ERC1: variants seen among roughly 807,000 people sequenced by gnomAD.
The protein encoded by ERC1 is ELKS/RAB6-interacting/CAST family member 1, also known as RAB6 interacting protein 2.
ERC1 carries 56 observed loss-of-function variants against 132.0 expected under a neutral mutation model. That is an observed-to-expected ratio of 0.42 (90% CI 0.34 to 0.53). The LOEUF is 0.53. ERC1 is among the 20% of genes least tolerant of loss of function. The pLI is 0.03. For synonymous variants in ERC1, 478 were observed against 476.1 expected (o/e 1.00, Z -0.05); for missense variants, 1,202 against 1,349.9 (o/e 0.89, Z 1.72).
intron 7 of ERC1, among the ~76,000 whole-genome samples, chr12:1,133,902 G>C (rs1240137636): frequency 6.6e-6 from 1 of 152,054 alleles, no homozygotes; most frequent in Non-Finnish European, 1.5e-5. Flanking sequence ...AGATCATACC[G>C]TAATCTGTGT....
At chr12:1,300,063 C>G (rs1372354056) in intron 15 of ERC1, among the ~76,000 whole-genome samples, 1 of 152,158 alleles carries the variant, frequency 6.6e-6, no homozygotes, top group Non-Finnish European at 1.5e-5. Context: ...CAACTTCAAA[C>G]TATACTACAG....
intron 18 of ERC1, among the ~76,000 whole-genome samples, chr12:1,446,230 C>T (rs1475310914): frequency 6.7e-6 from 1 of 150,374 alleles, no homozygotes; most frequent in Admixed American, 6.6e-5. Flanking sequence ...AGCCTGGAGA[C>T]AAAAAATCAG....
At chr12:1,400,914 G>GTTTTTTTTT (rs1566774897) in intron 16 of ERC1, among the ~76,000 whole-genome samples, 6 of 11,120 alleles carry the variant, frequency 5.4e-4, no homozygotes, top group South Asian at 3.6e-3. Flanking sequence ...GGCTATTTTT[G>GTTTTTTTTT]TATTTTTTTT....
At chr12:1,419,900 C>A (rs894752661) in intron 17 of ERC1, among the ~76,000 whole-genome samples, 12 of 150,222 alleles carry the variant, frequency 8.0e-5, no homozygotes, top group African/African-American at 2.9e-4. Context: ...AAAACATGCA[C>A]TGAATATTAT....
chr12:1,165,388 T>C (rs1165192560), intron 8 of ERC1, among the ~76,000 whole-genome samples: 1 of 151,676 alleles, frequency 6.6e-6, no homozygotes, highest in Non-Finnish European at 1.5e-5. Flanking sequence ...TCACTGCAAG[T>C]TCCGCCTCCC....
intron 15 of ERC1, among the ~76,000 whole-genome samples, chr12:1,367,778 G>C (rs2086801213): frequency 6.6e-6 from 1 of 152,020 alleles, no homozygotes; most frequent in Non-Finnish European, 1.5e-5. Context: ...AGGTCAAAGG[G>C]CAGGTTCAAC....
intron 17 of ERC1, chr12:1,443,216 T>TG (rs2093209629): frequency 6.6e-6 from 1 of 152,206 alleles, no homozygotes; most frequent in Non-Finnish European, 1.5e-5. Flanking sequence ...TACTTCTTGA[T>TG]GGAAGTGTAT....
At chr12:1,106,778 T>C (rs1238963111) in intron 4 of ERC1, among the ~76,000 whole-genome samples, 2 of 152,206 alleles carry the variant, frequency 1.3e-5, no homozygotes, top group Admixed American at 6.5e-5. Flanking sequence ...CAAAATGATT[T>C]GTTTAACTGC....
chr12:1,208,357 T>G (rs1344962561), intron 12 of ERC1, among the ~76,000 whole-genome samples: 1 of 151,368 alleles, frequency 6.6e-6, no homozygotes, highest in African/African-American at 2.4e-5. Context: ...CTTTTTTTCA[T>G]GTTTTTAAGC....
At chr12:1,080,461 T>C (rs1230886654) in intron 2 of ERC1, among the ~76,000 whole-genome samples, 1 of 152,224 alleles carries the variant, frequency 6.6e-6, no homozygotes, top group East Asian at 1.9e-4. Context: ...AGAATTTCTT[T>C]CCTTTTTAAG....
intron 1 of ERC1, among the ~76,000 whole-genome samples, chr12:1,024,456 T>A (rs1399869249): frequency 6.6e-6 from 1 of 152,184 alleles, no homozygotes; most frequent in African/African-American, 2.4e-5. Flanking sequence ...TGCCTGTTAT[T>A]TCAAACCACC....
chr12:1,354,503 A>G lies in ERC1; in HGVS notation c.2781-17330A>G, dbSNP rs1023921076. 2.7e-5 allele frequency among the ~76,000 whole-genome samples: 4 copies of G among 149,852 alleles called. No individual in the cohort carries two copies. In the South Asian group the frequency reaches 8.6e-4, roughly 32 times the overall value. On this transcript the variant is annotated intron_variant, in intron 15 of 18. Coordinates refer to ENST00000360905, the MANE Select transcript of ERC1 (RefSeq NM_178040.4). The stretch of plus-strand genomic sequence containing the variant: ...GCCCCGTTGCATTCCAGCCTGGGCG[A>G]CAAGAGTGAAACTCCATCTTAAAAA...
chr12:1,015,485 G>A (rs1235446431), intron 1 of ERC1, among the ~76,000 whole-genome samples: 4 of 152,028 alleles, frequency 2.6e-5, no homozygotes, highest in African/African-American at 4.8e-5. Context: ...AAATTTAAGC[G>A]GTCTCCTTGC....
intron 16 of ERC1, among the ~76,000 whole-genome samples, chr12:1,388,550 G>A (rs74057200): frequency 0.016 from 2,471 of 152,164 alleles, 68 homozygotes; most frequent in African/African-American, 0.056. Flanking sequence ...GTCACGGAGA[G>A]CCCTGGATTG....
At chr12:1,075,745 A>C (rs749331895) in intron 2 of ERC1, among the ~76,000 whole-genome samples, 10 of 152,112 alleles carry the variant, frequency 6.6e-5, no homozygotes, top group Non-Finnish European at 1.3e-4. Flanking sequence ...AAAAAAAAAG[A>C]AAATCACAAG....
intron 18 of ERC1, among the ~76,000 whole-genome samples, chr12:1,459,227 T>C (rs2093599146): frequency 6.6e-6 from 1 of 152,246 alleles, no homozygotes; most frequent in Non-Finnish European, 1.5e-5. Flanking sequence ...TAGGGTCTCC[T>C]AGAAAATGGT....
At chr12:1,121,219 G>A (rs1425905720) in intron 7 of ERC1, among the ~76,000 whole-genome samples, 1 of 152,214 alleles carries the variant, frequency 6.6e-6, no homozygotes, top group Non-Finnish European at 1.5e-5. Flanking sequence ...ATTCAAACCC[G>A]CAAACTTGCG....
chr12:1,116,185 G>A, intron 7 of ERC1, 152 bp downstream of exon 7: 1 of 601,448 alleles, frequency 1.7e-6, no homozygotes, highest in Non-Finnish European at 2.8e-6. Flanking sequence ...GTGCTAAAAT[G>A]TAACCATCTT....
intron 14 of ERC1, among the ~76,000 whole-genome samples, chr12:1,270,579 A>C (rs571730639): frequency 1.3e-5 from 2 of 152,010 alleles, no homozygotes; most frequent in Non-Finnish European, 2.9e-5. Context: ...TAAAAGTCCC[A>C]TTAATCTCAT....
Sources: gnomAD v4.1 joint callset for allele counts (sites outside exome capture counted in the v4.1 genomes callset) on GRCh38, gnomAD v4.1.1 for gene constraint, MANE v1.5 for transcripts, NCBI Gene and HGNC (gene_info 2026-07-23, HGNC 2026-07-21) for gene names.